Variants in ARHGAP15 observed in about 807,000 individuals in gnomAD.
The protein encoded by ARHGAP15 is Rho GTPase activating protein 15.
A neutral mutation model predicts 63.7 loss-of-function variants in ARHGAP15; 51 were observed. The observed-to-expected ratio is 0.80, with a 90% CI of 0.64 to 1.01. The LOEUF (loss-of-function observed/expected upper bound fraction) is 1.01, where lower values mean the gene tolerates loss of function less well. ARHGAP15 is among the 50% of genes least tolerant of loss of function. The pLI is 0.00. For missense variants in ARHGAP15, 560 were observed against 564.6 expected, an observed-to-expected ratio of 0.99 and a Z score of 0.08; for synonymous variants, 191 against 193.8, an observed-to-expected ratio of 0.99 and a Z score of 0.12.
intron 13 of ARHGAP15, among the ~76,000 whole-genome samples, chr2:143,722,949 T>C (rs1027892584): frequency 6.6e-6 from 1 of 152,178 alleles, no homozygotes; most frequent in Non-Finnish European, 1.5e-5. Flanking sequence ...AATTTCTGCT[T>C]TTGTATTTAA....
At chr2:143,484,994 T>C (rs1692259810) in intron 8 of ARHGAP15, among the ~76,000 whole-genome samples, 1 of 152,208 alleles carries the variant, frequency 6.6e-6, no homozygotes, top group South Asian at 2.1e-4. Context: ...ACTCAGGCTG[T>C]CTTGGTCTTG....
chr2:143,605,104 T>A (rs1369725905), intron 11 of ARHGAP15, among the ~76,000 whole-genome samples: 1 of 152,098 alleles, frequency 6.6e-6, no homozygotes, highest in African/African-American at 2.4e-5. Context: ...AGACGGGATT[T>A]TACCATGTTG....
At chr2:143,622,079 T>C (rs1008496084) in intron 11 of ARHGAP15, among the ~76,000 whole-genome samples, 8 of 152,178 alleles carry the variant, frequency 5.3e-5, no homozygotes, top group Non-Finnish European at 1.2e-4. Context: ...ACAGTACTTA[T>C]ACATTTTCTA....
chr2:143,759,672 T>C (rs1686694324), intron 13 of ARHGAP15, among the ~76,000 whole-genome samples: 1 of 152,028 alleles, frequency 6.6e-6, no homozygotes, highest in South Asian at 2.1e-4. Context: ...CACCAGGGTA[T>C]TGTACCTACC....
chr2:143,421,858 C>T (rs569183143), intron 6 of ARHGAP15, among the ~76,000 whole-genome samples: 20 of 147,928 alleles, frequency 1.4e-4, no homozygotes, highest in African/African-American at 5.0e-4. Context: ...TAGAAAGATA[C>T]CTAGATGACA....
intron 2 of ARHGAP15, among the ~76,000 whole-genome samples, chr2:143,181,845 C>G (rs899204538): frequency 7.9e-5 from 12 of 152,188 alleles, no homozygotes; most frequent in African/African-American, 2.9e-4. Context: ...AATAACTTTT[C>G]CTTTGCATTC....
chr2:143,249,050 T>TATC (rs1214344492), intron 5 of ARHGAP15, among the ~76,000 whole-genome samples: 1 of 152,184 alleles, frequency 6.6e-6, no homozygotes, highest in Admixed American at 6.5e-5. Context: ...TGACAAAGAC[T>TATC]ATCATTATCA....
intron 6 of ARHGAP15, among the ~76,000 whole-genome samples, chr2:143,331,681 C>T (rs575282724): frequency 9.2e-5 from 14 of 152,038 alleles, no homozygotes; most frequent in Admixed American, 3.3e-4. Flanking sequence ...CAACAAAGTG[C>T]TCTTAAGAGG....
chr2:143,657,249 A>G (rs1681498340), intron 12 of ARHGAP15, among the ~76,000 whole-genome samples: 1 of 152,152 alleles, frequency 6.6e-6, no homozygotes, highest in Non-Finnish European at 1.5e-5. Flanking sequence ...CCGGAGGCTG[A>G]GGCAGGAGAA....
chr2:143,153,777 A>ATAT (rs1203042826), intron 1 of ARHGAP15, among the ~76,000 whole-genome samples: 14 of 85,194 alleles, frequency 1.6e-4, no homozygotes, highest in African/African-American at 6.1e-4. Context: ...TATATAATAA[A>ATAT]TCTTCTTCTT....
intron 2 of ARHGAP15, among the ~76,000 whole-genome samples, chr2:143,186,330 G>C (rs1401510539): frequency 1.3e-5 from 2 of 151,954 alleles, no homozygotes; most frequent in Non-Finnish European, 2.9e-5. Context: ...AAAGTTTTCT[G>C]TTTTAAAGTT....
At chr2:143,169,387 A>G (rs1174237983) in intron 2 of ARHGAP15, among the ~76,000 whole-genome samples, 2 of 151,986 alleles carry the variant, frequency 1.3e-5, no homozygotes, top group East Asian at 1.9e-4. Flanking sequence ...TGGCTTTAGC[A>G]TATCTATTCC....
chr2:143,255,357 A>G (rs994528602), intron 6 of ARHGAP15, among the ~76,000 whole-genome samples: 1 of 152,122 alleles, frequency 6.6e-6, no homozygotes, highest in Non-Finnish European at 1.5e-5. Flanking sequence ...CTTTTTCAAT[A>G]TATTAAAAAA....
At chr2:143,491,599 AG>A (rs1559006700) in intron 9 of ARHGAP15, among the ~76,000 whole-genome samples, 3 of 152,210 alleles carry the variant, frequency 2.0e-5, no homozygotes, top group Admixed American at 2.0e-4. Context: ...AGCACACCTC[AG>A]GGATTTATGA....
chr2:143,664,173 C>T (rs1193854955), intron 12 of ARHGAP15, among the ~76,000 whole-genome samples: 1 of 152,118 alleles, frequency 6.6e-6, no homozygotes, highest in Non-Finnish European at 1.5e-5. Flanking sequence ...GGAAGTAAAG[C>T]TCTCCTCAGC....
At chr2:143,500,488 G>T (rs1693008310) in intron 9 of ARHGAP15, among the ~76,000 whole-genome samples, 1 of 152,024 alleles carries the variant, frequency 6.6e-6, no homozygotes, top group Non-Finnish European at 1.5e-5. Context: ...AAGAGATTTA[G>T]ATATATTTGA....
chr2:143,348,969 TA>T (rs1685432590), intron 6 of ARHGAP15, among the ~76,000 whole-genome samples: 1 of 152,124 alleles, frequency 6.6e-6, no homozygotes, highest in African/African-American at 2.4e-5. Flanking sequence ...AGTAGATTTT[TA>T]AAAATCTGTA....
chr2:143,530,655 A>G (rs1292358726), intron 10 of ARHGAP15, among the ~76,000 whole-genome samples: 1 of 152,072 alleles, frequency 6.6e-6, no homozygotes, highest in African/African-American at 2.4e-5. Context: ...ACCACTTTCC[A>G]GGCATCTACC....
intron 11 of ARHGAP15, chr2:143,608,353 G>C (rs868138918): frequency 2.6e-5 from 4 of 152,088 alleles, no homozygotes; most frequent in African/African-American, 9.7e-5. Flanking sequence ...ACATTTTTAT[G>C]TGTTATTTTT....
Sources: allele counts gnomAD v4.1 joint callset (sites outside exome capture counted in the v4.1 genomes callset), GRCh38; gene constraint gnomAD v4.1.1; transcripts MANE v1.5; gene names NCBI Gene and HGNC (gene_info 2026-07-23, HGNC 2026-07-21).